RHOH: variants seen among roughly 807,000 people sequenced by gnomAD.
RHOH encodes ras homolog family member H, also known as rho-related GTP-binding protein RhoH.
In RHOH, 6 loss-of-function variants were observed where a neutral mutation model predicts 13.8. That is an observed-to-expected ratio of 0.44 (90% CI 0.24 to 0.86). The LOEUF (loss-of-function observed/expected upper bound fraction) is 0.86, where lower values mean the gene tolerates loss of function less well. RHOH is among the 40% of genes least tolerant of loss of function. The probability of loss-of-function intolerance (pLI) is 0.24; values close to 1 mark genes in which losing one functional copy is unlikely to be tolerated. For missense variants in RHOH, 147 were observed against 244.5 expected (o/e 0.60, Z 2.66); for synonymous variants, 117 against 103.0 (o/e 1.14, Z -0.82).
chr4:40,238,895 C>T (rs1014533103), intron 1 of RHOH, among the ~76,000 whole-genome samples: 4 of 152,088 alleles, frequency 2.6e-5, no homozygotes, highest in Admixed American at 2.0e-4. Flanking sequence ...GGAGAAATTC[C>T]GCTGAATTCA....
At chr4:40,197,454 G>T (rs1579215847) in intron 1 of RHOH, among the ~76,000 whole-genome samples, 154 bp downstream of exon 1, 1 of 152,030 alleles carries the variant, frequency 6.6e-6, no homozygotes, top group South Asian at 2.1e-4. Flanking sequence ...GGGTCGGGGG[G>T]GTGAGTGTTG....
At chr4:40,235,615 A>G (rs1240974491) in intron 1 of RHOH, among the ~76,000 whole-genome samples, 1 of 147,612 alleles carries the variant, frequency 6.8e-6, no homozygotes, top group Non-Finnish European at 1.5e-5. Flanking sequence ...AAAAGAAAAA[A>G]GAAAAAAAAA....
At chr4:40,240,602 C>A (rs376891521) in intron 1 of RHOH, among the ~76,000 whole-genome samples, 1 of 151,760 alleles carries the variant, frequency 6.6e-6, no homozygotes. Flanking sequence ...CATGGTGAAA[C>A]CCTGTCTGTA....
chr4:40,197,222 A>G lies in RHOH; in HGVS notation c.-409A>G, dbSNP rs1053504. The stretch of plus-strand genomic sequence containing the variant: ...AAAGGCTTGGGCCGCTTTTGTTTTC[A>G]CCTGCTTTTGTTGAACAAATTTGAT... On this transcript the variant is annotated 5_prime_UTR_variant, in exon 1 of 3. Coordinates refer to ENST00000381799, the MANE Select transcript of RHOH (RefSeq NM_004310.5). The G allele has an allele frequency of 0.22, 33,339 of 151,954 alleles. 4,029 individuals are homozygous for G. Among genetic ancestry groups the G allele is most frequent in the African/African-American group, 0.31 (12,682 of 41,406 alleles). The allele number at this position is 151,954 out of a possible 1,614,324, so 9.4% of individuals were successfully genotyped here.
At position 40,245,804 on chromosome 4, in the gene RHOH, T is replaced by C. The variant is rs1274370786; in HGVS notation, c.*1842T>C. 1 of 152,200 alleles carries C rather than the reference T, an allele frequency of 6.6e-6. No individual in the cohort carries two copies. Among genetic ancestry groups the C allele is most frequent in the African/African-American group, 2.4e-5 (1 of 41,430 alleles). 9.4% of individuals were successfully genotyped at this position (152,200 alleles called of 1,614,324 possible). ...CAATTCCTTACAGCTATAATCAGTA[T>C]CAAAAACCAAATGTGTGCTCATTCA... On this transcript the variant is annotated 3_prime_UTR_variant, in exon 3 of 3. Coordinates refer to ENST00000381799, the MANE Select transcript of RHOH (RefSeq NM_004310.5).
chr4:40,240,684 T>A (rs567483398), intron 1 of RHOH, among the ~76,000 whole-genome samples: 2 of 151,870 alleles, frequency 1.3e-5, no homozygotes, highest in East Asian at 3.9e-4. Flanking sequence ...GGCTGAGGCA[T>A]GAGAATTGCT....
At chr4:40,192,159 A>T (rs1722731541), upstream of RHOH, among the ~76,000 whole-genome samples, 1 of 152,220 alleles carries the variant, frequency 6.6e-6, no homozygotes, top group African/African-American at 2.4e-5. Context: ...ATTTTGTTTT[A>T]ATACAGTTGT....
At chr4:40,224,524 G>T (rs1412617693) in intron 1 of RHOH, among the ~76,000 whole-genome samples, 2 of 152,220 alleles carry the variant, frequency 1.3e-5, no homozygotes, top group East Asian at 3.8e-4. Context: ...GGAAGTAAGG[G>T]GGTATATCAT....
upstream of RHOH, among the ~76,000 whole-genome samples, chr4:40,193,479 C>CAAGAGAGA (rs147612604): frequency 1.1e-5 from 1 of 88,664 alleles, no homozygotes; most frequent in African/African-American, 4.7e-5. Context: ...AGAATGAGAG[C>CAAGAGAGA]GAGAGAGAGA....
intron 1 of RHOH, among the ~76,000 whole-genome samples, chr4:40,231,068 G>A (rs1157993124): frequency 1.3e-5 from 2 of 152,146 alleles, no homozygotes; most frequent in East Asian, 1.9e-4. Context: ...TAAGCAAGGA[G>A]AAGAAAATGG....
chr4:40,193,246 G>GT (rs1372268368), upstream of RHOH: 1 of 152,348 alleles, frequency 6.6e-6, no homozygotes, highest in Non-Finnish European at 1.5e-5. Context: ...TCAGAGGGGG[G>GT]CTCTGATTCC....
At chr4:40,231,318 ATTTT>A (rs3071888) in intron 1 of RHOH, among the ~76,000 whole-genome samples, 2 of 127,756 alleles carry the variant, frequency 1.6e-5, no homozygotes. Context: ...TTCTTAGGTG[ATTTT>A]TTTTTTTTTT....
At chr4:40,215,654 C>A (rs62302159) in intron 1 of RHOH, among the ~76,000 whole-genome samples, 2 of 152,178 alleles carry the variant, frequency 1.3e-5, no homozygotes, top group African/African-American at 2.4e-5. Flanking sequence ...GGAAGTGGGA[C>A]GCAGTGGCTC....
chr4:40,210,259 A>G (rs931651049), intron 1 of RHOH, among the ~76,000 whole-genome samples: 2 of 152,222 alleles, frequency 1.3e-5, no homozygotes, highest in Non-Finnish European at 2.9e-5. Context: ...TACAATACCT[A>G]CCAACGGGGA....
At chr4:40,229,362 G>A (rs1206343184) in intron 1 of RHOH, among the ~76,000 whole-genome samples, 4 of 152,090 alleles carry the variant, frequency 2.6e-5, no homozygotes, top group Non-Finnish European at 4.4e-5. Flanking sequence ...GGGACCTGGC[G>A]CGGTGGCTCA....
At chr4:40,200,445 G>C (rs766676795) in intron 1 of RHOH, 2 of 152,090 alleles carry the variant, frequency 1.3e-5, no homozygotes, top group African/African-American at 2.4e-5. Flanking sequence ...CCTCACGTGA[G>C]GTCCAGGAAT....
chr4:40,196,525 G>A (rs945068651), upstream of RHOH, among the ~76,000 whole-genome samples: 12 of 152,106 alleles, frequency 7.9e-5, no homozygotes, highest in Admixed American at 6.5e-4. Flanking sequence ...GGGGCTGCTC[G>A]AACTCTCACT....
chr4:40,200,078 A>G (rs1214765748), intron 1 of RHOH, among the ~76,000 whole-genome samples: 1 of 152,104 alleles, frequency 6.6e-6, no homozygotes, highest in Non-Finnish European at 1.5e-5. Flanking sequence ...TGGGGTGCAC[A>G]GGTGGAGGCT....
intron 1 of RHOH, among the ~76,000 whole-genome samples, chr4:40,205,500 G>A (rs751807117): frequency 6.6e-6 from 1 of 152,216 alleles, no homozygotes; most frequent in Non-Finnish European, 1.5e-5. Flanking sequence ...TTTGAAGATA[G>A]TTCTTTTCCT....
Sources: allele counts gnomAD v4.1 joint callset (sites outside exome capture counted in the v4.1 genomes callset), GRCh38; gene constraint gnomAD v4.1.1; transcripts MANE v1.5; gene names NCBI Gene and HGNC (gene_info 2026-07-23, HGNC 2026-07-21).